The following NLN variants were observed in gnomAD, a reference collection of about 807,000 sequenced individuals.
NLN encodes the protein neurolysin.
In NLN, 64 loss-of-function variants were observed where a neutral mutation model predicts 79.9. The observed-to-expected ratio is 0.80, with a 90% CI of 0.65 to 0.99. The LOEUF (loss-of-function observed/expected upper bound fraction) is 0.99, where lower values mean the gene tolerates loss of function less well. Among genes scored for constraint, NLN ranks in the 50% least tolerant of loss-of-function variants. NLN has a pLI of 0.00. For missense variants in NLN, 835 were observed against 858.7 expected (o/e 0.97, Z 0.34); for synonymous variants, 267 against 296.6 (o/e 0.90, Z 1.02).
intron 1 of NLN, among the ~76,000 whole-genome samples, chr5:65,744,869 C>T (rs1758941565): frequency 1.3e-5 from 2 of 148,960 alleles, no homozygotes; most frequent in Middle Eastern, 3.2e-3. Context: ...AGCAAGACTT[C>T]GTTTCAAAAA....
At chr5:65,751,209 C>T (rs1430836554) in intron 1 of NLN, among the ~76,000 whole-genome samples, 1 of 152,168 alleles carries the variant, frequency 6.6e-6, no homozygotes, top group African/African-American at 2.4e-5. Context: ...TGTAGTACAA[C>T]ACAGTGACAT....
rs1341799539 is a variant in NLN at position 65,822,730 on chromosome 5, G to C, written c.1981-51G>C. 4 of 1,448,288 alleles carry C rather than the reference G, an allele frequency of 2.8e-6. No individual in the cohort carries two copies. In the African/African-American group the frequency reaches 5.6e-5, roughly 20 times the overall value. The allele number at this position is 1,448,288 out of a possible 1,614,324, so 89.7% of individuals were successfully genotyped here. On this transcript the variant is annotated intron_variant, in intron 12 of 12. Coordinates refer to ENST00000380985, the MANE Select transcript of NLN (RefSeq NM_020726.5). ...TCTCCTCTTTTGCATCTAGAGATTT[G>C]GAAAATTGCTAGAACCATGAATTAT...
chr5:65,803,593 A>G (rs1380295220), intron 9 of NLN, among the ~76,000 whole-genome samples: 1 of 152,058 alleles, frequency 6.6e-6, no homozygotes, highest in Non-Finnish European at 1.5e-5. Context: ...TACACCCAGG[A>G]GGGTGGGGCT....
chr5:65,774,055 G>GTTT (rs33910517), intron 3 of NLN, among the ~76,000 whole-genome samples: 9,058 of 140,232 alleles, frequency 0.065, 379 homozygotes, highest in Middle Eastern at 0.095. Flanking sequence ...AGAATTCAAA[G>GTTT]TTTTTTTTTT....
intron 12 of NLN, among the ~76,000 whole-genome samples, chr5:65,815,906 A>G (rs1760659628): frequency 6.6e-6 from 1 of 152,212 alleles, no homozygotes; most frequent in African/African-American, 2.4e-5. Flanking sequence ...GATCATTATT[A>G]TAGCTATGTG....
intron 1 of NLN, among the ~76,000 whole-genome samples, chr5:65,735,880 G>T (rs1272206514): frequency 6.6e-6 from 1 of 151,996 alleles, no homozygotes; most frequent in Non-Finnish European, 1.5e-5. Context: ...CTCTTATTTG[G>T]AACATTCTTT....
At chr5:65,771,027 G>A (rs1195255518) in intron 3 of NLN, among the ~76,000 whole-genome samples, 1 of 152,154 alleles carries the variant, frequency 6.6e-6, no homozygotes, top group Non-Finnish European at 1.5e-5. Flanking sequence ...ATAAGTAAAT[G>A]CAACGGTATT....
rs952856582 is a variant in NLN at position 65,824,327 on chromosome 5, G to A, written c.*1412G>A. On this transcript the variant is annotated 3_prime_UTR_variant, in exon 13 of 13. Transcript: ENST00000380985. Reference sequence around the variant, plus strand: ...AATAAAGTTACAGATAGCAGGAAATGCAAGAGCTAGGAGATTCCTAGATTA... The same window carrying A: ...AATAAAGTTACAGATAGCAGGAAATACAAGAGCTAGGAGATTCCTAGATTA... The A allele has an allele frequency of 6.6e-6, 1 of 152,130 alleles. No individual in the cohort carries two copies. Among genetic ancestry groups the A allele is most frequent in the South Asian group, 2.1e-4 (1 of 4,814 alleles). 9.4% of individuals were successfully genotyped at this position (152,130 alleles called of 1,614,324 possible).
chr5:65,769,199 G>C (rs1246178470), intron 3 of NLN, among the ~76,000 whole-genome samples: 1 of 152,178 alleles, frequency 6.6e-6, no homozygotes, highest in Non-Finnish European at 1.5e-5. Flanking sequence ...CCAGATTCAA[G>C]GAACACCACA....
chr5:65,786,594 T>A (rs894355094), intron 7 of NLN, among the ~76,000 whole-genome samples: 3 of 152,140 alleles, frequency 2.0e-5, no homozygotes, highest in Admixed American at 6.5e-5. Flanking sequence ...TGGCAGTTCA[T>A]GCCTGTAATC....
intron 1 of NLN, among the ~76,000 whole-genome samples, chr5:65,754,286 T>A (rs1759170013): frequency 6.6e-6 from 1 of 152,174 alleles, no homozygotes; most frequent in South Asian, 2.1e-4. Context: ...CAGATTCTGC[T>A]CATTCTCATA....
At chr5:65,739,042 A>ATATATAATATATATAT (rs1758814297) in intron 1 of NLN, among the ~76,000 whole-genome samples, 1 of 119,366 alleles carries the variant, frequency 8.4e-6, no homozygotes, top group Admixed American at 8.6e-5. Context: ...TATATATATA[A>ATATATAATATATATAT]AAAATATATA....
intron 3 of NLN, among the ~76,000 whole-genome samples, chr5:65,764,118 A>G (rs146429693): frequency 1.3e-5 from 2 of 151,478 alleles, no homozygotes; most frequent in East Asian, 2.0e-4. Flanking sequence ...TTGTTGTTCT[A>G]TTTTTTTTAT....
At chr5:65,745,730 A>T (rs1758962381) in intron 1 of NLN, among the ~76,000 whole-genome samples, 1 of 152,194 alleles carries the variant, frequency 6.6e-6, no homozygotes, top group South Asian at 2.1e-4. Flanking sequence ...GCAGATTCAG[A>T]AGTAGTAGCT....
At chr5:65,767,803 A>G (rs2150750489) in intron 3 of NLN, among the ~76,000 whole-genome samples, 1 of 152,342 alleles carries the variant, frequency 6.6e-6, no homozygotes, top group Admixed American at 6.5e-5. Flanking sequence ...CACCTCTTGA[A>G]TACTTTGCTT....
At chr5:65,758,260 T>C (rs1759263504) in intron 1 of NLN, among the ~76,000 whole-genome samples, 3 of 152,102 alleles carry the variant, frequency 2.0e-5, no homozygotes, top group Non-Finnish European at 4.4e-5. Flanking sequence ...GGAAGATTAC[T>C]GATTTAATTT....
chr5:65,780,430 C>A, intron 5 of NLN, 149 bp downstream of exon 5: 1 of 512,182 alleles, frequency 2.0e-6, no homozygotes, highest in Non-Finnish European at 3.4e-6. Flanking sequence ...TCCACCACCC[C>A]TTCTACAGAA....
At chr5:65,767,770 T>C (rs1759483881) in intron 3 of NLN, among the ~76,000 whole-genome samples, 1 of 152,230 alleles carries the variant, frequency 6.6e-6, no homozygotes, top group Non-Finnish European at 1.5e-5. Context: ...CACATGGCTG[T>C]ATGCTGTTAG....
At position 65,782,920 on chromosome 5, in the gene NLN, G is replaced by T. The variant is rs546848754; in HGVS notation, c.822+1499G>T. 2.2e-3 allele frequency among the ~76,000 whole-genome samples: 336 copies of T among 152,254 alleles called. 2 individuals are homozygous for T. Among genetic ancestry groups the T allele is most frequent in the African/African-American group, 7.4e-3 (306 of 41,548 alleles). Reference sequence around the variant, plus strand: ...GCAACAGTTTTCACAAATGCCCATGGTATAATGAGAACCTGCTTCCCAGCC... The same window carrying T: ...GCAACAGTTTTCACAAATGCCCATGTTATAATGAGAACCTGCTTCCCAGCC... On this transcript the variant is annotated intron_variant, in intron 6 of 12. Coordinates refer to ENST00000380985, the MANE Select transcript of NLN (RefSeq NM_020726.5).
Sources: gnomAD v4.1 joint callset for allele counts (sites outside exome capture counted in the v4.1 genomes callset) on GRCh38, gnomAD v4.1.1 for gene constraint, MANE v1.5 for transcripts, NCBI Gene and HGNC (gene_info 2026-07-23, HGNC 2026-07-21) for gene names.